The following TXNL4A variants were observed in gnomAD, a reference collection of about 807,000 sequenced individuals.
TXNL4A encodes the protein thioredoxin-like protein 4A.
TXNL4A carries 17 observed loss-of-function variants against 14.6 expected under a neutral mutation model. The observed-to-expected ratio is 1.16, with a 90% CI of 0.80 to 1.74. The LOEUF (loss-of-function observed/expected upper bound fraction) is 1.74, where lower values mean the gene tolerates loss of function less well. Ranked by LOEUF, TXNL4A falls within the 40% of genes most tolerant of loss-of-function variation. TXNL4A has a pLI of 0.00. For missense variants in TXNL4A, 74 were observed against 195.2 expected (o/e 0.38, Z 3.70); for synonymous variants, 83 against 70.6 (o/e 1.18, Z -0.88).
At chr18:80,013,234 T>C (rs2051783955) in intron 1 of TXNL4A, among the ~76,000 whole-genome samples, 1 of 151,334 alleles carries the variant, frequency 6.6e-6, no homozygotes, top group Admixed American at 6.6e-5. Flanking sequence ...ACCATTCTCC[T>C]GCCTCAGCCT....
chr18:79,987,678 A>G (rs2051573641), intron 1 of TXNL4A, among the ~76,000 whole-genome samples: 1 of 152,248 alleles, frequency 6.6e-6, no homozygotes, highest in African/African-American at 2.4e-5. Context: ...TTAGAAATTC[A>G]GAGAACTAAT....
intron 1 of TXNL4A, among the ~76,000 whole-genome samples, chr18:80,013,930 G>T (rs144190569): frequency 1.7e-3 from 265 of 152,268 alleles, no homozygotes; most frequent in African/African-American, 5.9e-3. Context: ...AGGGAGGGAG[G>T]TGAAGGCACT....
chr18:80,001,051 G>C (rs1255631304), intron 1 of TXNL4A, among the ~76,000 whole-genome samples: 1 of 152,228 alleles, frequency 6.6e-6, no homozygotes, highest in Non-Finnish European at 1.5e-5. Context: ...AGGAAAAAAT[G>C]TTTTTTGGTG....
Position 79,988,497 on chromosome 18 carries a change from C to T in TXNL4A, c.-105G>A. 1 of 1,208,514 alleles carries T rather than the reference C, an allele frequency of 8.3e-7. No individual in the cohort carries two copies. Among genetic ancestry groups the T allele is most frequent in the Middle Eastern group, 3.2e-4 (1 of 3,132 alleles). 74.9% of individuals were successfully genotyped at this position (1,208,514 alleles called of 1,614,324 possible). On this transcript the variant is annotated 5_prime_UTR_variant, in exon 1 of 3. Coordinates refer to ENST00000269601, the MANE Select transcript of TXNL4A (RefSeq NM_006701.5). Reference sequence around the variant, plus strand: ...CCCCGGCCCCCGCCGCCCCCGGGCCCACGGACGAAATCCGGTCCCGCCCGC... The same window carrying T: ...CCCCGGCCCCCGCCGCCCCCGGGCCTACGGACGAAATCCGGTCCCGCCCGC...
At chr18:80,020,496 A>T (rs1001300821) in intron 1 of TXNL4A, among the ~76,000 whole-genome samples, 7 of 152,284 alleles carry the variant, frequency 4.6e-5, no homozygotes, top group African/African-American at 1.7e-4. Context: ...GCCATTTTTT[A>T]GCCACCAAGT....
chr18:80,009,343 T>C (rs1253020810), intron 1 of TXNL4A, among the ~76,000 whole-genome samples: 1 of 152,194 alleles, frequency 6.6e-6, no homozygotes, highest in Non-Finnish European at 1.5e-5. Flanking sequence ...GTAAACATTT[T>C]GACTTTTCCA....
At chr18:80,010,185 A>G (rs577381758) in intron 1 of TXNL4A, among the ~76,000 whole-genome samples, 1 of 152,304 alleles carries the variant, frequency 6.6e-6, no homozygotes, top group South Asian at 2.1e-4. Context: ...GTTGGGGCGA[A>G]GGTTTAATAA....
At chr18:79,987,108 A>G (rs2051562594) in intron 1 of TXNL4A, among the ~76,000 whole-genome samples, 1 of 152,234 alleles carries the variant, frequency 6.6e-6, no homozygotes, top group Non-Finnish European at 1.5e-5. Flanking sequence ...AAGTCGCATC[A>G]GAATTCCCTG....
In TXNL4A at chr18:80,002,833, G is replaced by A. The variant is rs569505351; in HGVS notation, c.-60-25132C>T. 3.3e-5 allele frequency among the ~76,000 whole-genome samples: 5 copies of A among 152,288 alleles called. No individual in the cohort carries two copies. In the East Asian group the frequency reaches 7.7e-4, roughly 24 times the overall value. On this transcript the variant is annotated intron_variant, in intron 1 of 2. Transcript: ENST00000585474. Reference sequence around the variant, plus strand: ...CAAAGCTCCTGGCTTTCCACTTCACGGACTCGGCCCTGAATTCTTTCTCAC... The same window carrying A: ...CAAAGCTCCTGGCTTTCCACTTCACAGACTCGGCCCTGAATTCTTTCTCAC...
chr18:79,983,557 C>T (rs935427541), intron 1 of TXNL4A, among the ~76,000 whole-genome samples: 1 of 152,188 alleles, frequency 6.6e-6, no homozygotes, highest in Non-Finnish European at 1.5e-5. Flanking sequence ...TAAGAAAACA[C>T]CTAAAATTCC....
intron 1 of TXNL4A, among the ~76,000 whole-genome samples, chr18:79,984,557 CTT>C (rs1246156777): frequency 4.6e-5 from 7 of 152,202 alleles, no homozygotes; most frequent in Non-Finnish European, 7.3e-5. Flanking sequence ...CAAGAAGACT[CTT>C]GTCTCAAACA....
intron 1 of TXNL4A, among the ~76,000 whole-genome samples, chr18:80,009,493 C>CA (rs2051755858): frequency 6.6e-6 from 1 of 152,170 alleles, no homozygotes. Context: ...ACCAACAGGG[C>CA]TGTTACCAGT....
At chr18:79,983,033 C>T (rs1297473718) in intron 1 of TXNL4A, among the ~76,000 whole-genome samples, 3 of 152,160 alleles carry the variant, frequency 2.0e-5, no homozygotes, top group Non-Finnish European at 4.4e-5. Flanking sequence ...TGGGATCTCA[C>T]TTTGTCACCC....
In TXNL4A at chr18:79,983,287, C is replaced by CTG. The variant is rs1401906103; in HGVS notation, c.153+4952_153+4953insCA. 5.3e-5 allele frequency among the ~76,000 whole-genome samples: 8 copies of CTG among 152,340 alleles called. No homozygotes were observed. In the East Asian group the frequency reaches 9.6e-4, roughly 18 times the overall value. ...AACTGCTGGAATTACAGGTTTAAGC[C>CTG]ACGGCGCTGGCCTCAAATTGTTTTT... On this transcript the variant is annotated intron_variant, in intron 1 of 2. Coordinates refer to ENST00000269601, the MANE Select transcript of TXNL4A (RefSeq NM_006701.5).
At chr18:80,028,339 C>A (rs985938338) in intron 1 of TXNL4A, among the ~76,000 whole-genome samples, 2 of 149,526 alleles carry the variant, frequency 1.3e-5, no homozygotes, top group Admixed American at 6.7e-5. Context: ...CCCTTCTAAA[C>A]TCTCATCATA....
chr18:80,013,191 T>C (rs543419926), intron 1 of TXNL4A, among the ~76,000 whole-genome samples: 137 of 151,082 alleles, frequency 9.1e-4, no homozygotes, highest in African/African-American at 3.2e-3. Context: ...CGCGCGATCT[T>C]GGCTCACTGC....
In TXNL4A at chr18:79,988,531, AC is replaced by A; in HGVS notation, c.-140del. Reference sequence around the variant, plus strand: ...AATCCGGTCCCGCCCGCACACGCAAACTCCGCTGGGACTGCCACCCGGCAGA... The same window carrying A: ...AATCCGGTCCCGCCCGCACACGCAAATCCGCTGGGACTGCCACCCGGCAGA... On this transcript the variant is annotated 5_prime_UTR_variant, in exon 1 of 3. Transcript: ENST00000269601. 1.1e-6 allele frequency: 1 copy of A among 921,976 alleles called. No individual in the cohort carries two copies. Among genetic ancestry groups the A allele is most frequent in the Non-Finnish European group, 1.4e-6 (1 of 704,478 alleles). 57.1% of individuals were successfully genotyped at this position (921,976 alleles called of 1,614,324 possible).
intron 1 of TXNL4A, among the ~76,000 whole-genome samples, chr18:80,000,508 G>A (rs1018470512): frequency 6.6e-6 from 1 of 152,196 alleles, no homozygotes; most frequent in Admixed American, 6.5e-5. Flanking sequence ...CTGTTAATAA[G>A]ATTAAGTTTT....
chr18:79,995,265 T>C (rs2051653313), intron 1 of TXNL4A: 1 of 152,174 alleles, frequency 6.6e-6, no homozygotes. Context: ...AAAGGCACAG[T>C]GGTCAGACAT....
Sources: allele counts gnomAD v4.1 joint callset (sites outside exome capture counted in the v4.1 genomes callset), GRCh38; gene constraint gnomAD v4.1.1; transcripts MANE v1.5; gene names NCBI Gene and HGNC (gene_info 2026-07-23, HGNC 2026-07-21).